The following RSF1 variants were observed in gnomAD, a reference collection of about 807,000 sequenced individuals.
RSF1 encodes the protein remodeling and spacing factor 1.
In RSF1, 13 loss-of-function variants were observed where a neutral mutation model predicts 145.2. That is an observed-to-expected ratio of 0.09 (90% confidence interval 0.06 to 0.14). RSF1 has a LOEUF of 0.14. RSF1 is among the 10% of genes least tolerant of loss of function. The pLI is 1.00. For missense variants in RSF1, 1,517 were observed against 1,718.2 expected, an observed-to-expected ratio of 0.88 and a Z score of 2.07; for synonymous variants, 577 against 592.6, an observed-to-expected ratio of 0.97 and a Z score of 0.38.
chr11:77,842,564 A>G, the RSF1 span: 1 of 1,614,058 alleles, frequency 6.2e-7, no homozygotes. Flanking sequence ...AATACAACCT[A>G]TAAGGACTGC....
At chr11:77,685,212 T>C in intron 9 of RSF1, 53 bp from the exon 10 acceptor site, 1 of 1,052,346 alleles carries the variant, frequency 9.5e-7, no homozygotes, top group South Asian at 1.6e-5. Context: ...ATAAAACTGT[T>C]ATGTAAACAT....
rs564410248 is a variant in RSF1 at position 77,686,408 on chromosome 11, C to CAAAAAAAAAAA, written c.2901-1260_2901-1250dup. Among the ~76,000 whole-genome samples, 53 of 37,080 alleles carry CAAAAAAAAAAA rather than the reference C, an allele frequency of 1.4e-3. 8 individuals carry two copies. Among genetic ancestry groups the CAAAAAAAAAAA allele is most frequent in the East Asian group, 5.7e-3 (7 of 1,236 alleles). The allele number at this position is 37,080 out of a possible 152,430, so 24.3% of individuals were successfully genotyped here. A position where few individuals can be genotyped will look rare whatever the true frequency, so the allele number is the denominator to read the frequency against. On this transcript the variant is annotated intron_variant, in intron 9 of 15. Coordinates refer to ENST00000308488, the MANE Select transcript of RSF1 (RefSeq NM_016578.4). ...GGGCATCAAGAGTGAGACCCTGTCT[C>CAAAAAAAAAAA]AAAAAAAAAAAAAAAAAAAAGCAGG...
chr11:77,806,269 C>A (rs200894607), intron 1 of RSF1, among the ~76,000 whole-genome samples: 1 of 151,758 alleles, frequency 6.6e-6, no homozygotes, highest in Non-Finnish European at 1.5e-5. Context: ...AATGACTTTT[C>A]CCTCATGGTG....
intron 4 of RSF1, among the ~76,000 whole-genome samples, chr11:77,730,910 A>C (rs1961191205): frequency 6.6e-6 from 1 of 152,148 alleles, no homozygotes; most frequent in African/African-American, 2.4e-5. Context: ...TAAATTGCCA[A>C]GTCTTGTCTT....
intron 3 of RSF1, among the ~76,000 whole-genome samples, chr11:77,743,379 T>A (rs143215618): frequency 1.5e-3 from 230 of 152,354 alleles, no homozygotes; most frequent in African/African-American, 5.2e-3. Context: ...CAGGACATCT[T>A]TTCATTTGTC....
intron 4 of RSF1, 104 bp from the exon 5 acceptor site, chr11:77,725,803 T>A: frequency 1.1e-6 from 1 of 884,602 alleles, no homozygotes; most frequent in Non-Finnish European, 1.6e-6. Context: ...AAAAATACAT[T>A]AAGAACATCA....
chr11:77,710,321 C>G (rs1960649103), intron 5 of RSF1, among the ~76,000 whole-genome samples: 1 of 152,012 alleles, frequency 6.6e-6, no homozygotes, highest in Non-Finnish European at 1.5e-5. Context: ...ATCTATTTGG[C>G]AATTTTAGGC....
intron 5 of RSF1, among the ~76,000 whole-genome samples, chr11:77,721,618 C>G (rs1229548431): frequency 6.6e-6 from 1 of 152,122 alleles, no homozygotes; most frequent in Admixed American, 6.6e-5. Flanking sequence ...CACTACTAAA[C>G]AGGGTTTGTT....
At chr11:77,820,988 T>G, upstream of RSF1, 2 of 449,820 alleles carry the variant, frequency 4.4e-6, no homozygotes, top group Non-Finnish European at 7.9e-6. Flanking sequence ...GGCTTGCCAC[T>G]GCCTCGTGTG....
At chr11:77,815,656 C>A (rs1948774500) in intron 1 of RSF1, among the ~76,000 whole-genome samples, 1 of 152,054 alleles carries the variant, frequency 6.6e-6, no homozygotes, top group Admixed American at 6.6e-5. Context: ...AAAACTAAGT[C>A]TTTGAATGAT....
chr11:77,702,550 T>C, intron 5 of RSF1, 55 bp from the exon 6 acceptor site: 1 of 1,207,100 alleles, frequency 8.3e-7, no homozygotes, highest in Non-Finnish European at 1.1e-6. Flanking sequence ...GGCTATAAAA[T>C]ATAAGACTTA....
chr11:77,863,966 G>A, the RSF1 span, among the ~76,000 whole-genome samples: 7 of 149,996 alleles, frequency 4.7e-5, no homozygotes, highest in East Asian at 8.0e-4. Flanking sequence ...CACTCTTTTC[G>A]CCCAGGCTGG....
At chr11:77,692,305 C>T (rs1478669919) in intron 8 of RSF1, among the ~76,000 whole-genome samples, 2 of 98,224 alleles carry the variant, frequency 2.0e-5, no homozygotes, top group Admixed American at 1.5e-4. Context: ...AGTGCAGTGG[C>T]GGGATCTCGG....
chr11:77,788,819 C>T (rs1287266828), intron 1 of RSF1, among the ~76,000 whole-genome samples: 1 of 152,062 alleles, frequency 6.6e-6, no homozygotes, highest in African/African-American at 2.4e-5. Context: ...AACTAGAGGC[C>T]TCCTCTACTA....
intron 5 of RSF1, among the ~76,000 whole-genome samples, chr11:77,708,919 G>A (rs556845975): frequency 2.4e-4 from 36 of 152,264 alleles, no homozygotes; most frequent in African/African-American, 8.4e-4. Flanking sequence ...AAGCCATGAA[G>A]TCTGTCACTA....
chr11:77,867,737 G>C, the RSF1 span, among the ~76,000 whole-genome samples: 1 of 152,176 alleles, frequency 6.6e-6, no homozygotes, highest in Non-Finnish European at 1.5e-5. Context: ...TGCTGACACA[G>C]AGGTAGTTCA....
At chr11:77,784,345 T>C (rs985516362) in intron 1 of RSF1, among the ~76,000 whole-genome samples, 13 of 152,154 alleles carry the variant, frequency 8.5e-5, no homozygotes, top group African/African-American at 3.1e-4. Flanking sequence ...GTTCTATATG[T>C]TTATTTTTCT....
chr11:77,841,272 G>A, the RSF1 span: 3 of 702,042 alleles, frequency 4.3e-6, no homozygotes, highest in South Asian at 4.4e-5. Flanking sequence ...TTAAACATGA[G>A]TTTGGAAGGG....
At chr11:77,789,848 CCACTGTTGGTATGTGAGCA>C (rs1186301038) in intron 1 of RSF1, among the ~76,000 whole-genome samples, 2 of 152,236 alleles carry the variant, frequency 1.3e-5, no homozygotes, top group Non-Finnish European at 2.9e-5. Context: ...GCTCAGCCCA[CCACTGTTGGTATGTGAGCA>C]CACCTCCCAG....
Sources: allele counts gnomAD v4.1 joint callset (sites outside exome capture counted in the v4.1 genomes callset), GRCh38; gene constraint gnomAD v4.1.1; transcripts MANE v1.5; gene names NCBI Gene and HGNC (gene_info 2026-07-23, HGNC 2026-07-21).